Variants in ANHX observed in about 807,000 individuals in gnomAD.
ANHX encodes anomalous homeobox protein.
In ANHX, 20 loss-of-function variants were observed where a neutral mutation model predicts 38.9. The ratio of observed to expected loss-of-function variants is 0.51; its 90% CI spans 0.36 to 0.75. The LOEUF (loss-of-function observed/expected upper bound fraction) is 0.75. Ranked by LOEUF, ANHX falls within the 30% of genes least tolerant of loss-of-function variation. The pLI, the probability that ANHX is intolerant of heterozygous loss-of-function variation, is 0.00. For synonymous variants in ANHX, 185 were observed against 203.1 expected, an observed-to-expected ratio of 0.91 and a Z score of 0.76; for missense variants, 475 against 493.1, an observed-to-expected ratio of 0.96 and a Z score of 0.35.
At chr12:133,222,557 G>A (rs1271341038) in intron 7 of ANHX, among the ~76,000 whole-genome samples, 1 of 152,112 alleles carries the variant, frequency 6.6e-6, no homozygotes, top group African/African-American at 2.4e-5. Flanking sequence ...CCCATTGACC[G>A]TCCCCACGCC....
At chr12:133,234,647 C>T in intron 1 of ANHX, 1 of 414,780 alleles carries the variant, frequency 2.4e-6, no homozygotes, top group East Asian at 5.0e-5. Flanking sequence ...GCAACAGCTC[C>T]TCCACTGCTC....
intron 9 of ANHX, 139 bp from the exon 10 acceptor site, chr12:133,219,110 C>A (rs1375904898): frequency 4.0e-6 from 4 of 1,003,552 alleles, no homozygotes; most frequent in Non-Finnish European, 5.9e-6. Context: ...CCCACAGCAT[C>A]CCTCACCCCA....
At chr12:133,225,452 C>T (rs1316495798) in intron 7 of ANHX, among the ~76,000 whole-genome samples, 84 bp downstream of exon 7, 1 of 152,240 alleles carries the variant, frequency 6.6e-6, no homozygotes, top group Non-Finnish European at 1.5e-5. Flanking sequence ...TGTGGCCCTA[C>T]CCACACTTCT....
chr12:133,226,234 C>A, intron 6 of ANHX, 84 bp downstream of exon 6: 1 of 1,531,880 alleles, frequency 6.5e-7, no homozygotes, highest in Non-Finnish European at 8.7e-7. Flanking sequence ...CACCCTTAGG[C>A]CTACTTCATG....
At chr12:133,230,190 C>A (rs2135570678) in intron 3 of ANHX, among the ~76,000 whole-genome samples, 1 of 152,342 alleles carries the variant, frequency 6.6e-6, no homozygotes, top group South Asian at 2.1e-4. Context: ...TGGCCTTCAT[C>A]CCCAGCACCT....
Position 133,221,113 on chromosome 12 carries a change from C to T in ANHX, c.1280+92G>A, listed in dbSNP as rs1294627414. ...TCCAAAGGAGAGGACCCTATCTGCA[C>T]AGTCCGGGACGGTGAGTCTATAAAC... On this transcript the variant is annotated intron_variant, in intron 8 of 9. Coordinates refer to ENST00000545940, the MANE Select transcript of ANHX (RefSeq NM_001372060.1). The surrounding 1 kb of genome is among the most constrained non-coding windows in gnomAD (Gnocchi z 4.1). 7.0e-7 allele frequency: 1 copy of T among 1,435,986 alleles called. No homozygotes were observed. The highest frequency in any genetic ancestry group is 9.2e-7 in the Non-Finnish European group (1 of 1,083,766). 89.0% of individuals were successfully genotyped at this position (1,435,986 alleles called of 1,614,324 possible).
chr12:133,219,892 C>T (rs1359931645), intron 8 of ANHX, among the ~76,000 whole-genome samples: 3 of 152,148 alleles, frequency 2.0e-5, no homozygotes, highest in Non-Finnish European at 2.9e-5. Flanking sequence ...CACATCCACG[C>T]AATGGCACGT....
At position 133,221,645 on chromosome 12, in the gene ANHX, G is replaced by C. The variant is rs772250784; in HGVS notation, c.1133-293C>G. 4.6e-5 allele frequency among the ~76,000 whole-genome samples: 7 copies of C among 152,164 alleles called. No individual in the cohort carries two copies. Among genetic ancestry groups the C allele is most frequent in the Non-Finnish European group, 8.8e-5 (6 of 68,020 alleles). On this transcript the variant is annotated intron_variant, in intron 7 of 9. Transcript: ENST00000545940. The surrounding 1 kb of genome is among the most constrained non-coding windows in gnomAD (Gnocchi z 4.1). ...CCTCATGTGCCCTCGGTGCCAGTCAGAGTCTGCAGCTTGCTCCGTCCTGCT... is the reference window on the plus strand; with the variant it reads ...CCTCATGTGCCCTCGGTGCCAGTCACAGTCTGCAGCTTGCTCCGTCCTGCT...
chr12:133,225,094 A>G (rs1050403013), intron 7 of ANHX, among the ~76,000 whole-genome samples: 7 of 152,196 alleles, frequency 4.6e-5, no homozygotes, highest in Non-Finnish European at 1.0e-4. Context: ...ACATCTAAAT[A>G]CATACTCTTT....
At chr12:133,223,197 A>AAAAT (rs963607305) in intron 7 of ANHX, among the ~76,000 whole-genome samples, 5 of 150,852 alleles carry the variant, frequency 3.3e-5, no homozygotes, top group African/African-American at 1.2e-4. Context: ...CTCAAAAAAA[A>AAAAT]ATATATATAT....
chr12:133,223,334 A>G (rs1054058578), intron 7 of ANHX, among the ~76,000 whole-genome samples: 2 of 152,156 alleles, frequency 1.3e-5, no homozygotes, highest in African/African-American at 4.8e-5. Context: ...CAACATCCAA[A>G]TAACATTTGT....
intron 8 of ANHX, among the ~76,000 whole-genome samples, chr12:133,220,761 C>T (rs768838185): frequency 6.6e-6 from 1 of 152,178 alleles, no homozygotes; most frequent in Non-Finnish European, 1.5e-5. Flanking sequence ...GGGCTGGCCC[C>T]GAAGGCCCTG....
intron 6 of ANHX, among the ~76,000 whole-genome samples, 130 bp from the exon 7 acceptor site, chr12:133,225,958 C>G (rs1957183148): frequency 6.6e-6 from 1 of 152,128 alleles, no homozygotes. Context: ...CTGGTATTAA[C>G]TCAATGAAAA....
At chr12:133,224,771 C>G (rs1262096910) in intron 7 of ANHX, among the ~76,000 whole-genome samples, 3 of 151,168 alleles carry the variant, frequency 2.0e-5, no homozygotes, top group Admixed American at 1.3e-4. Flanking sequence ...CAAGACCATC[C>G]TGGCTAACAG....
chr12:133,235,653 CCCCGCCTCCGCGCCCCTT>C, intron 1 of ANHX, 136 bp downstream of exon 1: 1 of 146,114 alleles, frequency 6.8e-6, no homozygotes, highest in Non-Finnish European at 1.5e-5. Flanking sequence ...TTCCGGGACC[CCCCGCCTCCGCGCCCCTT>C]ATCCTCCAGG....
intron 3 of ANHX, among the ~76,000 whole-genome samples, chr12:133,229,278 T>G (rs1957234141): frequency 6.6e-6 from 1 of 152,172 alleles, no homozygotes; most frequent in Admixed American, 6.5e-5. Context: ...CTGAGCAGAT[T>G]TGAATATTTC....
intron 1 of ANHX, 177 bp from the exon 2 acceptor site, chr12:133,234,555 C>G: frequency 5.9e-6 from 4 of 677,516 alleles, no homozygotes; most frequent in East Asian, 2.8e-5. Flanking sequence ...CATACACCCT[C>G]TAGAATTTCC....
chr12:133,221,356 C>A lies in ANHX; in HGVS notation c.1133-4G>T. On this transcript the variant is annotated splice_region_variant and splice_polypyrimidine_tract_variant and intron_variant, in intron 7 of 9. Coordinates refer to ENST00000545940, the MANE Select transcript of ANHX (RefSeq NM_001372060.1). This position sits in a 1 kb window ranked among gnomAD's most constrained non-coding sequence, Gnocchi z 4.1. ...CCGCTGGGGGGGCCAGAAAACCCTGCATGTAATGAGATTCCACGGCACACT... is the reference window on the plus strand; with the variant it reads ...CCGCTGGGGGGGCCAGAAAACCCTGAATGTAATGAGATTCCACGGCACACT... 1 of 1,533,898 alleles carries A rather than the reference C, an allele frequency of 6.5e-7. No homozygotes were observed.
chr12:133,233,854 T>A (rs1957322208), intron 2 of ANHX, among the ~76,000 whole-genome samples: 1 of 152,238 alleles, frequency 6.6e-6, no homozygotes, highest in South Asian at 2.1e-4. Flanking sequence ...CTGTCACAGA[T>A]CACCACTCAA....
Sources: allele counts gnomAD v4.1 joint callset (sites outside exome capture counted in the v4.1 genomes callset), GRCh38; gene constraint gnomAD v4.1.1; non-coding constraint Gnocchi (gnomAD v3.1); transcripts MANE v1.5; gene names NCBI Gene and HGNC (gene_info 2026-07-23, HGNC 2026-07-21).